MAP2K2: variants seen among roughly 807,000 people sequenced by gnomAD.
The protein encoded by MAP2K2 is dual specificity mitogen-activated protein kinase kinase 2.
Under a neutral mutation model 43.7 loss-of-function variants are expected in MAP2K2, and 24 were observed. The observed-to-expected ratio is 0.55, with a 90% CI of 0.40 to 0.77. The LOEUF (loss-of-function observed/expected upper bound fraction) is 0.77. MAP2K2 is among the 30% of genes least tolerant of loss of function. MAP2K2 has a pLI of 0.00. For synonymous variants in MAP2K2, 244 were observed against 239.7 expected, an observed-to-expected ratio of 1.02 and a Z score of -0.17; for missense variants, 470 against 566.8, an observed-to-expected ratio of 0.83 and a Z score of 1.73.
At chr19:4,105,041 C>G (rs1322183805) in intron 3 of MAP2K2, among the ~76,000 whole-genome samples, 3 of 152,162 alleles carry the variant, frequency 2.0e-5, no homozygotes, top group Non-Finnish European at 2.9e-5. Context: ...AGACCAAAGT[C>G]TGGCAGGGTA....
At position 4,107,938 on chromosome 19, in the gene MAP2K2, G is replaced by A. The variant is rs148102918; in HGVS notation, c.450+2571C>T. On this transcript the variant is annotated intron_variant, in intron 3 of 10. Coordinates refer to ENST00000262948, the MANE Select transcript of MAP2K2 (RefSeq NM_030662.4). ...GCGGCAAGAGTCCTGTCCCGAACCC[G>A]TGGTAAGGGTGAGCGGTGGGGCCGA... Among the ~76,000 whole-genome samples, 776 of 152,264 alleles carry A rather than the reference G, an allele frequency of 5.1e-3. 7 individuals are homozygous for A. Among genetic ancestry groups the A allele is most frequent in the African/African-American group, 0.018 (736 of 41,546 alleles).
At chr19:4,102,308 C>G (rs986252859) in intron 4 of MAP2K2, 68 bp downstream of exon 4, 3 of 1,387,004 alleles carry the variant, frequency 2.2e-6, no homozygotes, top group Non-Finnish European at 3.0e-6. Context: ...CTCCCGGAAC[C>G]CTGGCCGTGT....
chr19:4,117,735 T>C (rs2041242939), intron 1 of MAP2K2, 106 bp from the exon 2 acceptor site: 3 of 992,886 alleles, frequency 3.0e-6, no homozygotes, highest in Admixed American at 1.8e-5. Context: ...CAGACTGGAT[T>C]CCTGCACTTG....
At position 4,113,096 on chromosome 19, in the gene MAP2K2, C is replaced by T. The variant is rs575092160; in HGVS notation, c.304-2441G>A. ...CTTCAAAGGAGCCACAGATGGGTGA[C>T]AAGAAGCAGGAAAGAGCGCGCGTTC... On this transcript the variant is annotated intron_variant, in intron 2 of 10. Transcript: ENST00000262948. Among the ~76,000 whole-genome samples the T allele has an allele frequency of 6.7e-4, 102 of 152,230 alleles. 2 individuals carry two copies. The highest frequency in any genetic ancestry group is 1.2e-3 in the Non-Finnish European group (85 of 68,034).
chr19:4,110,765 G>A, intron 2 of MAP2K2, 110 bp from the exon 3 acceptor site: 1 of 1,191,364 alleles, frequency 8.4e-7, no homozygotes, highest in Non-Finnish European at 1.2e-6. Flanking sequence ...GACCAACTCA[G>A]TACCCCCTCC....
chr19:4,118,673 G>A (rs2041257817), intron 1 of MAP2K2, among the ~76,000 whole-genome samples: 1 of 152,180 alleles, frequency 6.6e-6, no homozygotes, highest in African/African-American at 2.4e-5. Flanking sequence ...AGTGGCTCAT[G>A]CCTGTAGTTC....
intron 10 of MAP2K2, among the ~76,000 whole-genome samples, chr19:4,091,248 C>A (rs924831790): frequency 1.3e-5 from 2 of 152,246 alleles, no homozygotes; most frequent in Non-Finnish European, 1.5e-5. Context: ...CCGTCCCACT[C>A]GCCAGCACAT....
intron 9 of MAP2K2, 54 bp from the exon 10 acceptor site, chr19:4,094,552 A>G (rs1385687957): frequency 1.3e-6 from 2 of 1,542,494 alleles, no homozygotes; most frequent in African/African-American, 2.7e-5. Context: ...AAGACAGGGC[A>G]GTCAGCTGGT....
chr19:4,090,603 C>G lies in MAP2K2; in HGVS notation c.1198G>C (p.Val400Leu). 1.9e-6 allele frequency: 3 copies of G among 1,550,918 alleles called. No individual in the cohort carries two copies. The highest frequency in any genetic ancestry group is 2.7e-5 in the African/African-American group (2 of 73,228). ...NQPGTPTRTA[V>L] ...CGCAGGGAGCCCGGCCACTGTCACA[C>G]GGCGGTGCGCGTGGGTGTGCCGGGC... is the stretch of plus-strand genomic sequence containing the variant. The change falls in exon 11 of 11, where the codon GTG becomes CTG. Residue 400 changes from valine (V) to leucine (L), a missense_variant. Around this residue, in one of 3 missense-constraint regions of MAP2K2, gnomAD observed 212 missense variants for 220.8 expected, o/e 0.96. Coordinates refer to ENST00000262948, the MANE Select transcript of MAP2K2 (RefSeq NM_030662.4).
chr19:4,093,352 G>A (rs192871975), intron 10 of MAP2K2, among the ~76,000 whole-genome samples: 4 of 152,084 alleles, frequency 2.6e-5, no homozygotes, highest in African/African-American at 7.2e-5. Context: ...AGCTACAATC[G>A]CACCACTGCA....
chr19:4,091,613 G>A (rs112586198), intron 10 of MAP2K2, among the ~76,000 whole-genome samples: 7,505 of 151,530 alleles, frequency 0.05, 437 homozygotes, highest in African/African-American at 0.15. Context: ...TCAGCTTCCC[G>A]AAGTGCTGGG....
In MAP2K2 at chr19:4,121,382, T is replaced by C. The variant is rs78309784; in HGVS notation, c.92+2402A>G. ...CCACGCCTCCTCGTTCCTCACACTC[T>C]GGCTTCCCTGTCTCCTCACACTTCC... On this transcript the variant is annotated intron_variant, in intron 1 of 10. Coordinates refer to ENST00000262948, the MANE Select transcript of MAP2K2 (RefSeq NM_030662.4). Among the ~76,000 whole-genome samples the C allele has an allele frequency of 7.8e-3, 1,188 of 151,622 alleles. 17 individuals carry two copies. Among genetic ancestry groups the C allele is most frequent in the African/African-American group, 0.027 (1,126 of 41,296 alleles).
chr19:4,108,418 ATT>A (rs71166960), intron 3 of MAP2K2, among the ~76,000 whole-genome samples: 78 of 128,180 alleles, frequency 6.1e-4, no homozygotes, highest in East Asian at 1.3e-3. Context: ...TTTTTTTTGT[ATT>A]TTTTTTTTTT....
chr19:4,093,827 C>T (rs557246778), intron 10 of MAP2K2, among the ~76,000 whole-genome samples: 27 of 152,260 alleles, frequency 1.8e-4, no homozygotes, highest in Admixed American at 2.6e-4. Context: ...ATCTCCAATC[C>T]GCCAATCAGC....
intron 3 of MAP2K2, among the ~76,000 whole-genome samples, chr19:4,107,094 G>T (rs982351511): frequency 6.6e-6 from 1 of 152,174 alleles, no homozygotes; most frequent in Non-Finnish European, 1.5e-5. Flanking sequence ...ACAAGTGCTT[G>T]CCATTTTATA....
chr19:4,117,779 C>T (rs575844892), intron 1 of MAP2K2, 150 bp from the exon 2 acceptor site: 11 of 760,602 alleles, frequency 1.4e-5, no homozygotes, highest in Non-Finnish European at 2.1e-5. Flanking sequence ...AGGATCCATG[C>T]TGTGTACCCC....
chr19:4,099,474 G>T (rs1472843602), intron 6 of MAP2K2, 60 bp from the exon 7 acceptor site: 1 of 1,408,192 alleles, frequency 7.1e-7, no homozygotes, highest in Non-Finnish European at 9.8e-7. Context: ...TGGAACCCGG[G>T]AGGCTTGCCC....
chr19:4,097,173 G>A, intron 8 of MAP2K2, 106 bp downstream of exon 8: 2 of 826,152 alleles, frequency 2.4e-6, no homozygotes, highest in Non-Finnish European at 3.7e-6. Flanking sequence ...CAGCCTTGGT[G>A]ACTCTTGCTC....
intron 2 of MAP2K2, among the ~76,000 whole-genome samples, chr19:4,113,405 G>A (rs2041180313): frequency 6.6e-6 from 1 of 152,152 alleles, no homozygotes; most frequent in Admixed American, 6.5e-5. Flanking sequence ...AAGGGGAAAG[G>A]CAGACAGACA....
Sources: gnomAD v4.1 joint callset for allele counts (sites outside exome capture counted in the v4.1 genomes callset) on GRCh38, gnomAD v4.1.1 for gene constraint, gnomAD v4.1.1 regional missense constraint, MANE v1.5 for transcripts, NCBI Gene and HGNC (gene_info 2026-07-23, HGNC 2026-07-21) for gene names.